The following UBE2O variants were observed in gnomAD, a reference collection of about 807,000 sequenced individuals.
UBE2O encodes (E3-independent) E2 ubiquitin-conjugating enzyme.
A neutral mutation model predicts 125.8 loss-of-function variants in UBE2O; 15 were observed. The ratio of observed to expected loss-of-function variants is 0.12; its 90% CI spans 0.08 to 0.18. The LOEUF is 0.18. UBE2O is among the 10% of genes least tolerant of loss of function. The pLI is 1.00. For synonymous variants in UBE2O, 708 were observed against 703.2 expected (o/e 1.01, Z -0.11); for missense variants, 1,280 against 1,723.6 (o/e 0.74, Z 4.56).
intron 1 of UBE2O, among the ~76,000 whole-genome samples, chr17:76,426,060 T>C (rs1355683587): frequency 6.6e-6 from 1 of 152,228 alleles, no homozygotes; most frequent in Admixed American, 6.5e-5. Flanking sequence ...TGGAGTGTAG[T>C]GGTGTGATCA....
chr17:76,446,569 G>A (rs2073156492), intron 1 of UBE2O, among the ~76,000 whole-genome samples: 2 of 152,244 alleles, frequency 1.3e-5, no homozygotes, highest in South Asian at 2.1e-4. Context: ...AAAACACACG[G>A]AAACTGAAGG....
At chr17:76,436,778 C>A (rs991389866) in intron 1 of UBE2O, among the ~76,000 whole-genome samples, 1 of 152,146 alleles carries the variant, frequency 6.6e-6, no homozygotes, top group Non-Finnish European at 1.5e-5. Context: ...AAAAAGGTAA[C>A]GCCTCTTAGG....
Position 76,391,183 on chromosome 17 carries a change from C to T in UBE2O, c.3639G>A (p.Arg1213=), listed in dbSNP as rs188222711. The change falls in exon 18 of 18, where the codon AGG becomes AGA. Residue 1213 remains arginine, a synonymous_variant. Transcript: ENST00000319380. The surrounding 1 kb of genome is among the most constrained non-coding windows in gnomAD (Gnocchi z 8.4). ...GGAQGLASAS[R]DHTDQTSETA... ...TCTCCGAAGTCTGGTCTGTGTGGTC[C>T]CTGCTAGCTGAGGCCAGGCCCTGGG... 1.6e-5 allele frequency: 26 copies of T among 1,613,176 alleles called. No individual in the cohort carries two copies. The highest frequency in any genetic ancestry group is 2.2e-5 in the Non-Finnish European group (26 of 1,179,426).
At chr17:76,446,932 G>A (rs1200298661) in intron 1 of UBE2O, among the ~76,000 whole-genome samples, 7 of 152,200 alleles carry the variant, frequency 4.6e-5, no homozygotes, top group African/African-American at 1.7e-4. Context: ...AATGACTGAG[G>A]GGTCAGGGAA....
At chr17:76,437,148 T>TC in intron 1 of UBE2O, among the ~76,000 whole-genome samples, 1 of 83,996 alleles carries the variant, frequency 1.2e-5, no homozygotes, top group South Asian at 5.0e-4. Context: ...GACTCCATCT[T>TC]TAAAAAAAAA....
At position 76,405,575 on chromosome 17, in the gene UBE2O, G is replaced by A; in HGVS notation, c.418-3C>T. The A allele has an allele frequency of 6.3e-7, 1 of 1,588,582 alleles. No homozygotes were observed. Among genetic ancestry groups the A allele is most frequent in the Non-Finnish European group, 8.6e-7 (1 of 1,169,016 alleles). ...ACAGAACGGTCCTCTAGTTTCAGCTGTAAAAGAAAATACAGGTGTGAGAGA... is the reference window on the plus strand; with the variant it reads ...ACAGAACGGTCCTCTAGTTTCAGCTATAAAAGAAAATACAGGTGTGAGAGA... On this transcript the variant is annotated splice_polypyrimidine_tract_variant and splice_region_variant and intron_variant, in intron 1 of 17. Transcript: ENST00000319380. The surrounding 1 kb of genome is among the most constrained non-coding windows in gnomAD (Gnocchi z 6.1).
rs751998179 is a variant in UBE2O at position 76,434,774 on chromosome 17, C to CT, written c.417+17950dup. 3.9e-3 allele frequency among the ~76,000 whole-genome samples: 541 copies of CT among 139,130 alleles called. 3 individuals carry two copies. Among genetic ancestry groups the CT allele is most frequent in the African/African-American group, 8.7e-3 (317 of 36,388 alleles). The allele number at this position is 139,130 out of a possible 152,430, so 91.3% of individuals were successfully genotyped here. A position where few individuals can be genotyped will look rare whatever the true frequency, so the allele number is the denominator to read the frequency against. On this transcript the variant is annotated intron_variant, in intron 1 of 17. Coordinates refer to ENST00000319380, the MANE Select transcript of UBE2O (RefSeq NM_022066.4). ...TTCTGGAAATGCTTTTTCACTTAAG[C>CT]TTTTTTTTTTTTTTTTTTTTAAAAA...
In UBE2O at chr17:76,405,272, G is replaced by A. The variant is rs138590244; in HGVS notation, c.522C>T (p.Ala174=). Residue 174 remains alanine (A), a synonymous_variant, in exon 3 of 18, where the codon GCC becomes GCT. Coordinates refer to ENST00000319380, the MANE Select transcript of UBE2O (RefSeq NM_022066.4). The surrounding 1 kb of genome is among the most constrained non-coding windows in gnomAD (Gnocchi z 6.1). ...GTVIDVNIDC[A]VKLIGTNCII... ...TGCAGTTGGTGCCGATGAGCTTGAC[G>A]GCACAGTCGATGTTGACGTCGATCA... 1,472 of 1,613,398 alleles carry A rather than the reference G, an allele frequency of 9.1e-4. No homozygotes were observed. The highest frequency in any genetic ancestry group is 1.2e-3 in the Non-Finnish European group (1,389 of 1,179,524).
Position 76,398,453 on chromosome 17 carries a change from C to G in UBE2O, c.1896+19G>C. The G allele has an allele frequency of 6.2e-7, 1 of 1,614,056 alleles. No homozygotes were observed. Among genetic ancestry groups the G allele is most frequent in the Non-Finnish European group, 8.5e-7 (1 of 1,179,954 alleles). On this transcript the variant is annotated intron_variant, in intron 11 of 17. Transcript: ENST00000319380. The surrounding 1 kb of genome is among the most constrained non-coding windows in gnomAD (Gnocchi z 5.4). Reference sequence around the variant, plus strand: ...AACCCCAGAGCCCACCTGAAGCAAGCAGTAGGGGCTGCACACACCTCCACG... The same window carrying G: ...AACCCCAGAGCCCACCTGAAGCAAGGAGTAGGGGCTGCACACACCTCCACG...
intron 15 of UBE2O, among the ~76,000 whole-genome samples, chr17:76,392,419 C>T (rs530504102): frequency 2.6e-5 from 4 of 152,160 alleles, no homozygotes; most frequent in South Asian, 2.1e-4. Context: ...TGTGGGCCAC[C>T]GTGCCCAGAT....
rs139170814 is a variant in UBE2O at position 76,402,806 on chromosome 17, C to G, written c.589-107G>C. The stretch of plus-strand genomic sequence containing the variant: ...AAGACAGGATGGGGGAGGATCTAGA[C>G]AGCTCACTGACTGGACCGGTTGGCT... On this transcript the variant is annotated intron_variant, in intron 3 of 17. Transcript: ENST00000319380. The surrounding 1 kb of genome is among the most constrained non-coding windows in gnomAD (Gnocchi z 5.4). 1.1e-6 allele frequency: 1 copy of G among 950,244 alleles called. No individual in the cohort carries two copies. Among genetic ancestry groups the G allele is most frequent in the Admixed American group, 1.8e-5 (1 of 54,852 alleles). 58.9% of individuals were successfully genotyped at this position (950,244 alleles called of 1,614,324 possible).
chr17:76,434,079 TAAGA>T (rs2072945232), intron 1 of UBE2O, among the ~76,000 whole-genome samples: 1 of 152,234 alleles, frequency 6.6e-6, no homozygotes, highest in Non-Finnish European at 1.5e-5. Flanking sequence ...TTTTATTTCC[TAAGA>T]AAGAAGTCTG....
chr17:76,444,604 G>C (rs562425660), intron 1 of UBE2O, among the ~76,000 whole-genome samples: 1 of 152,316 alleles, frequency 6.6e-6, no homozygotes, highest in South Asian at 2.1e-4. Context: ...CTAGTCATTT[G>C]TGACCTTCAG....
At chr17:76,422,315 C>T (rs528308555) in intron 1 of UBE2O, among the ~76,000 whole-genome samples, 34 of 152,324 alleles carry the variant, frequency 2.2e-4, no homozygotes, top group Non-Finnish European at 3.5e-4. Flanking sequence ...TCACTTTAAC[C>T]TGGCTTTTCC....
At chr17:76,416,047 A>G (rs1022284141) in intron 1 of UBE2O, among the ~76,000 whole-genome samples, 1 of 151,924 alleles carries the variant, frequency 6.6e-6, no homozygotes, top group Admixed American at 6.6e-5. Flanking sequence ...GTGTGTGTAC[A>G]TATGTACATA....
rs922796236 is a variant in UBE2O at position 76,402,956 on chromosome 17, G to A, written c.589-257C>T. 6.6e-6 allele frequency among the ~76,000 whole-genome samples: 1 copy of A among 152,182 alleles called. No homozygotes were observed. The highest frequency in any genetic ancestry group is 2.4e-5 in the African/African-American group (1 of 41,428). ...GCTGCCTGGAGGGAACGGGGTGGGTGATGCAGGGGCAGAGAGGCCTGATGG... is the reference window on the plus strand; with the variant it reads ...GCTGCCTGGAGGGAACGGGGTGGGTAATGCAGGGGCAGAGAGGCCTGATGG... On this transcript the variant is annotated intron_variant, in intron 3 of 17. Transcript: ENST00000319380. This position sits in a 1 kb window ranked among gnomAD's most constrained non-coding sequence, Gnocchi z 5.4.
chr17:76,429,824 C>T lies in UBE2O; in HGVS notation c.417+22901G>A, dbSNP rs114112291. On this transcript the variant is annotated intron_variant, in intron 1 of 17. Transcript: ENST00000319380. ...GGGATTTGCTCTTTTAGTGTGCAGA[C>T]GTTCATGAATCCCTCTTTCAGTCCA... Among the ~76,000 whole-genome samples the T allele has an allele frequency of 6.4e-3, 980 of 152,290 alleles. 7 individuals are homozygous for T. The highest frequency in any genetic ancestry group is 0.022 in the African/African-American group (935 of 41,560).
Position 76,404,337 on chromosome 17 carries a change from T to C in UBE2O, c.588+869A>G, listed in dbSNP as rs1422293468. Among the ~76,000 whole-genome samples the C allele has an allele frequency of 6.6e-6, 1 of 152,172 alleles. No homozygotes were observed. The highest frequency in any genetic ancestry group is 1.5e-5 in the Non-Finnish European group (1 of 68,026). On this transcript the variant is annotated intron_variant, in intron 3 of 17. Transcript: ENST00000319380. This position sits in a 1 kb window ranked among gnomAD's most constrained non-coding sequence, Gnocchi z 4.3. Reference sequence around the variant, plus strand: ...CCAGCACTTTGGCTATGGGGTACCATGAACCAGGGCAGAGCTCTGCGGCGG... The same window carrying C: ...CCAGCACTTTGGCTATGGGGTACCACGAACCAGGGCAGAGCTCTGCGGCGG...
In UBE2O at chr17:76,395,228, C is replaced by A. The variant is rs1402329758; in HGVS notation, c.2946+497G>T. The A allele has an allele frequency of 6.6e-6, 1 of 152,186 alleles. No homozygotes were observed. Among genetic ancestry groups the A allele is most frequent in the African/African-American group, 2.4e-5 (1 of 41,354 alleles). 9.4% of individuals were successfully genotyped at this position (152,186 alleles called of 1,614,324 possible). On this transcript the variant is annotated intron_variant, in intron 15 of 17. Transcript: ENST00000319380. The surrounding 1 kb of genome is among the most constrained non-coding windows in gnomAD (Gnocchi z 5.0). ...ACAGAATCTCGCTCTGTCACCCAGG[C>A]TGGAGTGCAGTGGCGTGATCTCGGC...
Sources: allele counts gnomAD v4.1 joint callset (sites outside exome capture counted in the v4.1 genomes callset), GRCh38; gene constraint gnomAD v4.1.1; non-coding constraint Gnocchi (gnomAD v3.1); transcripts MANE v1.5; gene names NCBI Gene and HGNC (gene_info 2026-07-23, HGNC 2026-07-21).